The following CTIF variants were observed in gnomAD, a reference collection of about 807,000 sequenced individuals.
CTIF encodes cap binding complex dependent translation initiation factor.
Under a neutral mutation model 66.0 loss-of-function variants are expected in CTIF, and 21 were observed. That is an observed-to-expected ratio of 0.32 (90% CI 0.23 to 0.46). CTIF has a LOEUF of 0.46. CTIF is among the 20% of genes least tolerant of loss of function. CTIF has a pLI of 1.00. For synonymous variants in CTIF, 345 were observed against 326.4 expected (o/e 1.06, Z -0.62); for missense variants, 739 against 812.7 (o/e 0.91, Z 1.10).
At chr18:48,615,237 A>C (rs967610109) in intron 1 of CTIF, among the ~76,000 whole-genome samples, 2 of 152,168 alleles carry the variant, frequency 1.3e-5, no homozygotes, top group African/African-American at 4.8e-5. Context: ...ATAATAAAAA[A>C]TTGGGGGCCT....
chr18:48,576,799 TCTC>T (rs1599171384), intron 1 of CTIF, among the ~76,000 whole-genome samples: 1 of 152,370 alleles, frequency 6.6e-6, no homozygotes, highest in African/African-American at 2.4e-5. Flanking sequence ...AATTCCCTAT[TCTC>T]CTCCATTAAC....
At chr18:48,820,936 C>G (rs2068471091) in intron 10 of CTIF, among the ~76,000 whole-genome samples, 1 of 152,234 alleles carries the variant, frequency 6.6e-6, no homozygotes, top group Non-Finnish European at 1.5e-5. Flanking sequence ...GGTCCCCACG[C>G]TCCTTTAGCT....
At chr18:48,814,466 G>T (rs57084350) in intron 9 of CTIF, among the ~76,000 whole-genome samples, 2,125 of 152,280 alleles carry the variant, frequency 0.014, 50 homozygotes, top group African/African-American at 0.048. Flanking sequence ...CAGAGAAGGG[G>T]CTTAATTTTT....
chr18:48,809,581 G>A lies in CTIF; in HGVS notation c.1372-7640G>A, dbSNP rs190495752. Among the ~76,000 whole-genome samples the A allele has an allele frequency of 3.1e-3, 478 of 152,188 alleles. 2 individuals carry two copies. The highest frequency in any genetic ancestry group is 5.2e-3 in the Non-Finnish European group (354 of 67,950). ...TTGTTTATAGGGAACTGGTTGGAAA[G>A]CGTCTCTTTTTCTATGTTCTGAGTC... On this transcript the variant is annotated intron_variant, in intron 9 of 11. Transcript: ENST00000256413.
chr18:48,603,137 A>AGTGG (rs1352486828), intron 1 of CTIF, among the ~76,000 whole-genome samples: 121 of 80,462 alleles, frequency 1.5e-3, no homozygotes, highest in African/African-American at 8.1e-3. Context: ...ATGGCTAGAT[A>AGTGG]GTGGATGGAT....
intron 9 of CTIF, among the ~76,000 whole-genome samples, chr18:48,812,578 C>A (rs2146296980): frequency 6.6e-6 from 1 of 152,072 alleles, no homozygotes. Flanking sequence ...GCAACGTAGA[C>A]CTTGTCTCTA....
chr18:48,664,064 C>T (rs2091393270), intron 4 of CTIF, among the ~76,000 whole-genome samples: 1 of 152,172 alleles, frequency 6.6e-6, no homozygotes. Flanking sequence ...GGCCCCGCTT[C>T]CCACTAGCCT....
intron 1 of CTIF, among the ~76,000 whole-genome samples, chr18:48,615,110 G>T (rs929698377): frequency 6.6e-6 from 1 of 152,048 alleles, no homozygotes; most frequent in Non-Finnish European, 1.5e-5. Flanking sequence ...TGCCTAGGCT[G>T]GTATCAAATT....
At chr18:48,852,812 T>C (rs1486545226) in intron 10 of CTIF, among the ~76,000 whole-genome samples, 1 of 152,244 alleles carries the variant, frequency 6.6e-6, no homozygotes, top group East Asian at 1.9e-4. Context: ...GTAATATTGC[T>C]GGGTCAGAGG....
chr18:48,799,369 C>T (rs1016973969), intron 9 of CTIF, among the ~76,000 whole-genome samples: 2 of 152,160 alleles, frequency 1.3e-5, no homozygotes, highest in Non-Finnish European at 2.9e-5. Flanking sequence ...GGTCAAAAAG[C>T]AGCCCCAGAT....
At chr18:48,553,660 CT>C (rs1276662351) in intron 1 of CTIF, among the ~76,000 whole-genome samples, 396 of 132,100 alleles carry the variant, frequency 3.0e-3, no homozygotes, top group Non-Finnish European at 2.9e-3. Flanking sequence ...TTTCTTTTTC[CT>C]TTTTTTTTTT....
intron 9 of CTIF, among the ~76,000 whole-genome samples, chr18:48,785,889 G>A (rs1911661953): frequency 6.6e-6 from 1 of 152,148 alleles, no homozygotes; most frequent in Admixed American, 6.5e-5. Flanking sequence ...TCCCGAGTGA[G>A]CCCAACATGC....
chr18:48,631,802 T>C (rs987766472), intron 2 of CTIF, among the ~76,000 whole-genome samples: 1 of 152,116 alleles, frequency 6.6e-6, no homozygotes, highest in Non-Finnish European at 1.5e-5. Flanking sequence ...CCTTTTCAAG[T>C]AAGACACCAC....
chr18:48,602,420 G>A (rs897957402), intron 1 of CTIF, among the ~76,000 whole-genome samples: 4 of 152,216 alleles, frequency 2.6e-5, no homozygotes, highest in African/African-American at 9.7e-5. Flanking sequence ...AGCCAGGTGA[G>A]GCCTGCGTGA....
At position 48,771,606 on chromosome 18, in the gene CTIF, G is replaced by A. The variant is rs546515375; in HGVS notation, c.1371+9917G>A. 3.3e-5 allele frequency among the ~76,000 whole-genome samples: 5 copies of A among 152,262 alleles called. No homozygotes were observed. The South Asian group carries it at 6.2e-4, about 19-fold the overall frequency. On this transcript the variant is annotated intron_variant, in intron 9 of 11. Transcript: ENST00000256413. ...CTAAATCCCCTGATAGAACTTGGCC[G>A]GGCACTGCCCTGTCTGAGGCTGCCA...
intron 1 of CTIF, among the ~76,000 whole-genome samples, chr18:48,612,992 A>T (rs2090335486): frequency 6.6e-6 from 1 of 152,100 alleles, no homozygotes; most frequent in Non-Finnish European, 1.5e-5. Flanking sequence ...TGTGGGGTGC[A>T]GTGCTGCCTC....
At chr18:48,709,730 G>A (rs1207249056) in intron 6 of CTIF, among the ~76,000 whole-genome samples, 1 of 152,176 alleles carries the variant, frequency 6.6e-6, no homozygotes, top group African/African-American at 2.4e-5. Context: ...GGGAAGACTT[G>A]GTGTTTTTCC....
chr18:48,794,317 G>A (rs2067860881), intron 9 of CTIF, among the ~76,000 whole-genome samples: 1 of 152,216 alleles, frequency 6.6e-6, no homozygotes, highest in South Asian at 2.1e-4. Flanking sequence ...AGTCACATTA[G>A]GCACAGAATC....
intron 7 of CTIF, among the ~76,000 whole-genome samples, chr18:48,730,427 G>A (rs28684556): frequency 2.1e-4 from 27 of 129,494 alleles, no homozygotes; most frequent in East Asian, 1.7e-3. Context: ...GGGCCCCTGC[G>A]CTGTGAGGGG....
Sources: gnomAD v4.1 joint callset for allele counts (sites outside exome capture counted in the v4.1 genomes callset) on GRCh38, gnomAD v4.1.1 for gene constraint, MANE v1.5 for transcripts, NCBI Gene and HGNC (gene_info 2026-07-23, HGNC 2026-07-21) for gene names.